Variants in CREB3L2 observed in about 807,000 individuals in gnomAD.
CREB3L2 encodes cAMP responsive element binding protein 3 like 2.
In CREB3L2, 23 loss-of-function variants were observed where a neutral mutation model predicts 57.2. That is an observed-to-expected ratio of 0.40 (90% confidence interval 0.29 to 0.57). CREB3L2 has a LOEUF of 0.57. CREB3L2 is among the 20% of genes least tolerant of loss of function. The pLI is 0.42. For missense variants in CREB3L2, 628 were observed against 634.7 expected (o/e 0.99, Z 0.11); for synonymous variants, 268 against 265.1 (o/e 1.01, Z -0.11).
At chr7:137,923,767 C>T (rs1022692508) in intron 2 of CREB3L2, among the ~76,000 whole-genome samples, 1 of 152,178 alleles carries the variant, frequency 6.6e-6, no homozygotes, top group Non-Finnish European at 1.5e-5. Flanking sequence ...ATTTCAAAAC[C>T]CATTTTTTCT....
chr7:137,978,641 CA>C (rs1801653002), intron 1 of CREB3L2, among the ~76,000 whole-genome samples: 1 of 152,142 alleles, frequency 6.6e-6, no homozygotes, highest in Admixed American at 6.5e-5. Context: ...ACTGGTCAGG[CA>C]GTGACACAGG....
At chr7:137,901,520 T>TGGGG (rs1563245039) in intron 7 of CREB3L2, 98 bp from the exon 8 acceptor site, 1 of 680,640 alleles carries the variant, frequency 1.5e-6, no homozygotes, top group Non-Finnish European at 2.6e-6. Flanking sequence ...AAAGGAGGGT[T>TGGGG]GGGGGGATCT....
At chr7:137,896,202 A>G (rs1346460511) in intron 8 of CREB3L2, among the ~76,000 whole-genome samples, 1 of 152,262 alleles carries the variant, frequency 6.6e-6, no homozygotes, top group East Asian at 1.9e-4. Flanking sequence ...GAAAGGGGGA[A>G]GAGCAGTTAG....
intron 1 of CREB3L2, among the ~76,000 whole-genome samples, chr7:137,992,587 G>A (rs143192566): frequency 5.3e-5 from 8 of 152,278 alleles, no homozygotes; most frequent in East Asian, 3.9e-4. Flanking sequence ...TCTGCTTTTC[G>A]TCAAAAGACA....
chr7:137,987,190 G>T (rs1563274525), intron 1 of CREB3L2, among the ~76,000 whole-genome samples: 1 of 152,186 alleles, frequency 6.6e-6, no homozygotes, highest in Admixed American at 6.5e-5. Context: ...AAACTACAAA[G>T]ATCGGAGTCA....
At chr7:137,927,278 G>GAGGAAGGAAGGAAGGAAGGAAGGA (rs1554498591) in intron 2 of CREB3L2, among the ~76,000 whole-genome samples, 2 of 136,528 alleles carry the variant, frequency 1.5e-5, no homozygotes, top group Admixed American at 1.4e-4. Context: ...GAAAGGAAAG[G>GAGGAAGGAAGGAAGGAAGGAAGGA]AGGAAGGAAG....
At chr7:137,904,391 C>T (rs976412979) in intron 6 of CREB3L2, among the ~76,000 whole-genome samples, 47 of 151,970 alleles carry the variant, frequency 3.1e-4, no homozygotes, top group Non-Finnish European at 1.2e-4. Context: ...AAATGGCAGG[C>T]GCAGTGGCTC....
At chr7:137,966,258 C>T (rs1024651042) in intron 1 of CREB3L2, among the ~76,000 whole-genome samples, 7 of 152,208 alleles carry the variant, frequency 4.6e-5, no homozygotes, top group African/African-American at 1.7e-4. Context: ...CTATGTCTTA[C>T]TGCATAATTT....
rs1231712593 is a variant in CREB3L2 at position 137,916,005 on chromosome 7, C to T, written c.327G>A (p.Val109=). 4 of 1,611,710 alleles carry T rather than the reference C, an allele frequency of 2.5e-6. No homozygotes were observed. The highest frequency in any genetic ancestry group is 3.4e-6 in the Non-Finnish European group (4 of 1,179,050). Residue 109 remains valine (V), a synonymous_variant, in exon 3 of 12, where the codon GTG becomes GTA. Transcript: ENST00000330387. ...TTSDSFNDDE[V]ESEKWYLSTD... Reference sequence around the variant, plus strand: ...TAGACAGGTACCATTTCTCACTTTCCACCTCATCTGCAGGAAAAAAGACAA... The same window carrying T: ...TAGACAGGTACCATTTCTCACTTTCTACCTCATCTGCAGGAAAAAAGACAA...
At chr7:137,886,364 G>A (rs1196875688) in intron 8 of CREB3L2, among the ~76,000 whole-genome samples, 1 of 152,136 alleles carries the variant, frequency 6.6e-6, no homozygotes, top group African/African-American at 2.4e-5. Flanking sequence ...CCAACAGAGA[G>A]TAACAGGCAT....
At chr7:137,943,602 A>C (rs974293581) in intron 1 of CREB3L2, among the ~76,000 whole-genome samples, 4 of 152,102 alleles carry the variant, frequency 2.6e-5, no homozygotes. Flanking sequence ...GAAATGGGGG[A>C]GGGAAATGGC....
intron 1 of CREB3L2, among the ~76,000 whole-genome samples, chr7:137,973,265 C>T (rs1585669450): frequency 6.6e-6 from 1 of 152,002 alleles, no homozygotes; most frequent in South Asian, 2.1e-4. Flanking sequence ...TAGAAGTCCC[C>T]ATTCCAACTT....
At chr7:137,906,323 A>G in intron 5 of CREB3L2, among the ~76,000 whole-genome samples, 1 of 152,176 alleles carries the variant, frequency 6.6e-6, no homozygotes, top group Non-Finnish European at 1.5e-5. Flanking sequence ...AAGAGTGCAG[A>G]GCACCCAGGG....
intron 8 of CREB3L2, among the ~76,000 whole-genome samples, chr7:137,896,239 G>A (rs576446745): frequency 1.4e-3 from 218 of 152,356 alleles, no homozygotes; most frequent in African/African-American, 5.1e-3. Context: ...TTCCCCATTT[G>A]AGCGAAGCAG....
In CREB3L2 at chr7:137,946,766, T is replaced by G. The variant is rs1215492467; in HGVS notation, c.103-18400A>C. Among the ~76,000 whole-genome samples the G allele has an allele frequency of 1.3e-4, 5 of 38,824 alleles. 1 individual carries two copies. The highest frequency in any genetic ancestry group is 3.1e-4 in the Non-Finnish European group (5 of 16,300). 25.5% of individuals were successfully genotyped at this position (38,824 alleles called of 152,430 possible). On this transcript the variant is annotated intron_variant, in intron 1 of 11. Transcript: ENST00000330387. The stretch of plus-strand genomic sequence containing the variant: ...AGTTTTTTATAGTTATCTATATAGT[T>G]TAGTTATCTATATAGTTATCTATAT...
intron 1 of CREB3L2, among the ~76,000 whole-genome samples, chr7:137,988,359 T>C (rs1440504611): frequency 6.6e-6 from 1 of 152,268 alleles, no homozygotes; most frequent in East Asian, 1.9e-4. Context: ...CTCATTTTCT[T>C]TGAAGCTACA....
rs556627991 is a variant in CREB3L2, at chr7:137,922,164, C to G, written c.319+5986G>C. Among the ~76,000 whole-genome samples, 36 of 151,570 alleles carry G rather than the reference C, an allele frequency of 2.4e-4. No individual in the cohort carries two copies. The South Asian group carries it at 6.7e-3, about 28-fold the overall frequency. ...CCCTACCTGCTCCTTTTCTCTCTTG[C>G]AACATATGGATTACCGTACCCTCCC... On this transcript the variant is annotated intron_variant, in intron 2 of 11. Coordinates refer to ENST00000330387, the MANE Select transcript of CREB3L2 (RefSeq NM_194071.4).
chr7:137,958,445 G>A (rs1011142408), intron 1 of CREB3L2, among the ~76,000 whole-genome samples: 6 of 152,092 alleles, frequency 3.9e-5, no homozygotes, highest in South Asian at 2.1e-4. Flanking sequence ...CAGGAGGATC[G>A]CTTGAGCTCA....
chr7:137,980,174 G>A lies in CREB3L2; in HGVS notation c.102+21430C>T, dbSNP rs1184121098. 1.3e-5 allele frequency among the ~76,000 whole-genome samples: 2 copies of A among 152,210 alleles called. No individual in the cohort carries two copies. Among genetic ancestry groups the A allele is most frequent in the African/African-American group, 2.4e-5 (1 of 41,458 alleles). On this transcript the variant is annotated intron_variant, in intron 1 of 11. Transcript: ENST00000330387. The surrounding 1 kb of genome is among the most constrained non-coding windows in gnomAD (Gnocchi z 4.3). ...CAGACCATGGACCATGCTTTGAGTAGTCATACTCCAAGCCAGTAGTTCTCA... is the reference window on the plus strand; with the variant it reads ...CAGACCATGGACCATGCTTTGAGTAATCATACTCCAAGCCAGTAGTTCTCA...
Sources: allele counts gnomAD v4.1 joint callset (sites outside exome capture counted in the v4.1 genomes callset), GRCh38; gene constraint gnomAD v4.1.1; non-coding constraint Gnocchi (gnomAD v3.1); transcripts MANE v1.5; gene names NCBI Gene and HGNC (gene_info 2026-07-23, HGNC 2026-07-21).